SPATA6: variants seen among roughly 807,000 people sequenced by gnomAD.
SPATA6 encodes the protein spermatogenesis-associated protein 6.
SPATA6 carries 56 observed loss-of-function variants against 65.3 expected under a neutral mutation model. That is an observed-to-expected ratio of 0.86 (90% confidence interval 0.69 to 1.07). The LOEUF (loss-of-function observed/expected upper bound fraction) is 1.07. SPATA6 is among the 50% of genes least tolerant of loss of function. The probability of loss-of-function intolerance (pLI) is 0.00; values close to 1 mark genes in which losing one functional copy is unlikely to be tolerated. For missense variants in SPATA6, 590 were observed against 594.8 expected, an observed-to-expected ratio of 0.99 and a Z score of 0.08; for synonymous variants, 199 against 213.2, an observed-to-expected ratio of 0.93 and a Z score of 0.58.
intron 10 of SPATA6, among the ~76,000 whole-genome samples, chr1:48,356,607 A>G (rs998566495): frequency 9.7e-5 from 14 of 143,698 alleles, no homozygotes; most frequent in Admixed American, 4.5e-4. Flanking sequence ...TCCGCCTCCC[A>G]GGTTCAAGCA....
intron 11 of SPATA6, among the ~76,000 whole-genome samples, chr1:48,341,900 G>A (rs1385621392): frequency 6.6e-6 from 1 of 152,172 alleles, no homozygotes; most frequent in Non-Finnish European, 1.5e-5. Context: ...TGTGGTTTCA[G>A]GCATCCACTA....
chr1:48,347,379 A>C (rs1646393172), intron 11 of SPATA6, among the ~76,000 whole-genome samples: 1 of 150,352 alleles, frequency 6.7e-6, no homozygotes, highest in South Asian at 2.1e-4. Context: ...CCTAGGCAAT[A>C]CCATTCACTA....
chr1:48,271,997 G>T, the SPATA6 span, among the ~76,000 whole-genome samples: 1 of 152,010 alleles, frequency 6.6e-6, no homozygotes, highest in African/African-American at 2.4e-5. Context: ...TTTCATGAAG[G>T]TCATCTACAA....
intron 11 of SPATA6, among the ~76,000 whole-genome samples, chr1:48,344,712 C>T (rs756373593): frequency 6.6e-6 from 1 of 151,012 alleles, no homozygotes; most frequent in Non-Finnish European, 1.5e-5. Flanking sequence ...AAACAGAAAT[C>T]GGGATTGCGA....
chr1:48,403,034 C>T (rs1011755483), intron 6 of SPATA6, among the ~76,000 whole-genome samples: 6 of 151,870 alleles, frequency 4.0e-5, no homozygotes, highest in Non-Finnish European at 8.8e-5. Flanking sequence ...AAGTTAGCCG[C>T]GTATTGTGGC....
intron 11 of SPATA6, among the ~76,000 whole-genome samples, chr1:48,319,988 C>T (rs1327053857): frequency 6.6e-6 from 1 of 152,180 alleles, no homozygotes; most frequent in East Asian, 1.9e-4. Flanking sequence ...GCCTTAGTGT[C>T]ATGCCCCCAG....
At chr1:48,317,409 C>T (rs1057514608) in intron 11 of SPATA6, among the ~76,000 whole-genome samples, 1 of 152,018 alleles carries the variant, frequency 6.6e-6, no homozygotes, top group African/African-American at 2.4e-5. Context: ...CCATCATTCT[C>T]AGCAAACTAT....
chr1:48,396,833 G>T (rs1468069012), intron 7 of SPATA6, among the ~76,000 whole-genome samples: 2 of 151,424 alleles, frequency 1.3e-5, no homozygotes, highest in Non-Finnish European at 1.5e-5. Flanking sequence ...AAAAGTTCTA[G>T]AGATAGATGG....
At chr1:48,429,462 A>C (rs1654201585) in intron 3 of SPATA6, among the ~76,000 whole-genome samples, 1 of 152,192 alleles carries the variant, frequency 6.6e-6, no homozygotes, top group Non-Finnish European at 1.5e-5. Context: ...AGCCCATAAC[A>C]ATGAAAAAAT....
chr1:48,451,456 C>T (rs1221726186), intron 3 of SPATA6, 96 bp downstream of exon 3: 1 of 1,083,772 alleles, frequency 9.2e-7, no homozygotes, highest in African/African-American at 1.6e-5. Context: ...TCTACTAACC[C>T]CTTTTAAACT....
chr1:48,464,664 T>A (rs1246598381), intron 1 of SPATA6, among the ~76,000 whole-genome samples: 2 of 151,774 alleles, frequency 1.3e-5, no homozygotes, highest in Non-Finnish European at 2.9e-5. Context: ...ATTCAGACCA[T>A]ACAAAATAGA....
At chr1:48,330,669 G>A (rs1023150240) in intron 11 of SPATA6, among the ~76,000 whole-genome samples, 2 of 152,232 alleles carry the variant, frequency 1.3e-5, no homozygotes, top group African/African-American at 2.4e-5. Context: ...ATGTGTTGAG[G>A]GGCACAGCCT....
chr1:48,391,232 G>A (rs1650032584), intron 8 of SPATA6, among the ~76,000 whole-genome samples: 1 of 149,716 alleles, frequency 6.7e-6, no homozygotes, highest in Non-Finnish European at 1.5e-5. Context: ...AATTAGTTGG[G>A]CATGGTGGTG....
chr1:48,464,782 G>A (rs1330541675), intron 1 of SPATA6, among the ~76,000 whole-genome samples: 1 of 152,164 alleles, frequency 6.6e-6, no homozygotes, highest in Non-Finnish European at 1.5e-5. Context: ...GAAGTGGCGG[G>A]AGGGAGACAG....
At chr1:48,423,987 C>T (rs994806492) in intron 3 of SPATA6, among the ~76,000 whole-genome samples, 2 of 152,142 alleles carry the variant, frequency 1.3e-5, no homozygotes, top group East Asian at 1.9e-4. Context: ...AAGCATTTAT[C>T]CTTTGAGTTA....
At chr1:48,372,795 C>A (rs537919608) in intron 9 of SPATA6, among the ~76,000 whole-genome samples, 1 of 152,250 alleles carries the variant, frequency 6.6e-6, no homozygotes, top group African/African-American at 2.4e-5. Context: ...ACAGGCTCAA[C>A]ACCACATGGA....
At position 48,415,248 on chromosome 1, in the gene SPATA6, G is replaced by A. The variant is rs115462183; in HGVS notation, c.239-2097C>T. Among the ~76,000 whole-genome samples the A allele has an allele frequency of 4.6e-3, 699 of 152,320 alleles. 4 individuals are homozygous for A. The highest frequency in any genetic ancestry group is 0.015 in the African/African-American group (620 of 41,566). ...ATGACAGTCCAAGGTTGGACAGGAC[G>A]TTGCTGGGCAGATGTGCTCACGCAA... On this transcript the variant is annotated intron_variant, in intron 3 of 12. Transcript: ENST00000371847.
chr1:48,329,273 C>G (rs1393083015), intron 11 of SPATA6, among the ~76,000 whole-genome samples: 1 of 152,030 alleles, frequency 6.6e-6, no homozygotes, highest in Non-Finnish European at 1.5e-5. Flanking sequence ...TTAGATGCAT[C>G]TAAAGCAGTG....
chr1:48,441,348 T>A (rs1295072959), intron 3 of SPATA6, among the ~76,000 whole-genome samples: 1 of 152,196 alleles, frequency 6.6e-6, no homozygotes, highest in East Asian at 1.9e-4. Flanking sequence ...TCCGTTACCA[T>A]CCGAGGAATC....
Sources: allele counts gnomAD v4.1 joint callset (sites outside exome capture counted in the v4.1 genomes callset), GRCh38; gene constraint gnomAD v4.1.1; transcripts MANE v1.5; gene names NCBI Gene and HGNC (gene_info 2026-07-23, HGNC 2026-07-21).